Variants in MLIP observed in about 807,000 individuals in gnomAD.
MLIP encodes muscular LMNA interacting protein.
A neutral mutation model predicts 84.8 loss-of-function variants in MLIP; 79 were observed. That is an observed-to-expected ratio of 0.93 (90% confidence interval 0.78 to 1.12). MLIP has a LOEUF of 1.12. MLIP is among the 50% of genes most tolerant of loss of function. The pLI is 0.00. For missense variants in MLIP, 1,257 were observed against 1,160.6 expected (o/e 1.08, Z -1.21); for synonymous variants, 504 against 463.0 (o/e 1.09, Z -1.14).
rs565072641 is a variant in MLIP, at chr6:54,145,354, C to G, written c.2218-3702C>G. On this transcript the variant is annotated intron_variant, in intron 4 of 13. Coordinates refer to ENST00000502396, the MANE Select transcript of MLIP (RefSeq NM_001281747.2). ...ATCGAGTACATATTGTTAAGAGAACCCAGAGGAAAAACAGTGGACTCAAAA... is the reference window on the plus strand; with the variant it reads ...ATCGAGTACATATTGTTAAGAGAACGCAGAGGAAAAACAGTGGACTCAAAA... 1.3e-4 allele frequency among the ~76,000 whole-genome samples: 20 copies of G among 151,914 alleles called. No homozygotes were observed. In the South Asian group the frequency reaches 3.9e-3, roughly 30 times the overall value.
At chr6:54,191,546 G>A (rs1777920339) in intron 10 of MLIP, among the ~76,000 whole-genome samples, 1 of 152,138 alleles carries the variant, frequency 6.6e-6, no homozygotes, top group Non-Finnish European at 1.5e-5. Flanking sequence ...TTCCTGCTCT[G>A]ACATTAACTA....
chr6:54,251,980 A>G (rs1229642848), intron 12 of MLIP, among the ~76,000 whole-genome samples: 2 of 89,492 alleles, frequency 2.2e-5, no homozygotes, highest in Non-Finnish European at 3.7e-5. Context: ...AACATAATAT[A>G]TAATATAAAT....
intron 11 of MLIP, among the ~76,000 whole-genome samples, chr6:54,229,459 G>C (rs192757391): frequency 2.0e-5 from 3 of 152,178 alleles, no homozygotes; most frequent in African/African-American, 7.2e-5. Flanking sequence ...GCATGGGTCA[G>C]CACAACACCT....
chr6:54,029,245 T>C (rs1426009360), intron 1 of MLIP: 1 of 152,154 alleles, frequency 6.6e-6, no homozygotes, highest in Non-Finnish European at 1.5e-5. Flanking sequence ...CATTCAGATG[T>C]TGGAATTTAA....
chr6:54,137,124 C>G lies in MLIP; in HGVS notation c.1055C>G (p.Ser352Cys). 6.5e-7 allele frequency: 1 copy of G among 1,536,120 alleles called. No individual in the cohort carries two copies. The highest frequency in any genetic ancestry group is 1.2e-5 in the South Asian group (1 of 84,058). The change falls in exon 4 of 14, where the codon TCC (serine) becomes TGC (cysteine). Residue 352 changes from serine (S) to cysteine (C), a missense_variant. Transcript: ENST00000502396. ...SPRTSSSPPS[S>C]SASLKSNSAS... ...AGAACCTCTTCTTCTCCACCGTCCT[C>G]CAGTGCTTCTCTGAAGTCGAATTCG...
At chr6:54,116,226 T>C (rs191118820) in intron 1 of MLIP, among the ~76,000 whole-genome samples, 1 of 152,214 alleles carries the variant, frequency 6.6e-6, no homozygotes, top group Admixed American at 6.5e-5. Context: ...CCAGGGCATG[T>C]CATATTTCTT....
intron 11 of MLIP, chr6:54,215,590 C>A: frequency 2.1e-5 from 4 of 190,824 alleles, no homozygotes; most frequent in Non-Finnish European, 4.0e-5. Context: ...TATTAATGTA[C>A]TAGTTACTCT....
At chr6:54,140,784 T>G (rs1452790732) in intron 4 of MLIP, among the ~76,000 whole-genome samples, 5 of 152,216 alleles carry the variant, frequency 3.3e-5, no homozygotes, top group Non-Finnish European at 5.9e-5. Context: ...CAAGCTCTTT[T>G]GATGTTTGGC....
At chr6:54,027,375 ACAC>A (rs1763873172) in intron 1 of MLIP, among the ~76,000 whole-genome samples, 1 of 120 alleles carries the variant, frequency 8.3e-3, no homozygotes, top group African/African-American at 0.016. Flanking sequence ...TAAAAAAAAT[ACAC>A]ACACACACAC....
At chr6:54,252,659 T>C (rs1782722686) in intron 12 of MLIP, among the ~76,000 whole-genome samples, 1 of 151,370 alleles carries the variant, frequency 6.6e-6, no homozygotes. Flanking sequence ...GGGGACTATG[T>C]TTATATGAGA....
At chr6:54,070,907 T>G (rs1453961834) in intron 1 of MLIP, among the ~76,000 whole-genome samples, 1 of 152,174 alleles carries the variant, frequency 6.6e-6, no homozygotes, top group Non-Finnish European at 1.5e-5. Flanking sequence ...TCTACACTGG[T>G]TGATTGATTA....
chr6:54,193,686 C>T (rs916704324), intron 10 of MLIP, among the ~76,000 whole-genome samples: 3 of 152,070 alleles, frequency 2.0e-5, no homozygotes, highest in African/African-American at 4.8e-5. Flanking sequence ...AATGTGAGTA[C>T]TTACCTAAGA....
intron 9 of MLIP, among the ~76,000 whole-genome samples, chr6:54,176,511 C>T (rs1776300959): frequency 6.6e-6 from 1 of 151,648 alleles, no homozygotes; most frequent in Non-Finnish European, 1.5e-5. Flanking sequence ...CTAGATTTTC[C>T]AACATATTGG....
intron 5 of MLIP, among the ~76,000 whole-genome samples, chr6:54,152,389 G>GA (rs1227654854): frequency 2.0e-5 from 3 of 152,246 alleles, no homozygotes; most frequent in African/African-American, 7.2e-5. Context: ...GAGACCGGAA[G>GA]AAAAAGAGGT....
At chr6:54,104,581 C>A (rs1768878538) in intron 1 of MLIP, among the ~76,000 whole-genome samples, 1 of 152,154 alleles carries the variant, frequency 6.6e-6, no homozygotes, top group South Asian at 2.1e-4. Context: ...ACTTAGTAGA[C>A]CGGAAATATA....
At chr6:54,226,801 C>A (rs1780606974) in intron 11 of MLIP, among the ~76,000 whole-genome samples, 3 of 152,094 alleles carry the variant, frequency 2.0e-5, no homozygotes, top group Admixed American at 2.0e-4. Context: ...ATAAAAGGGC[C>A]TCTTGGAAAT....
intron 12 of MLIP, among the ~76,000 whole-genome samples, chr6:54,233,970 T>C (rs1025849500): frequency 1.8e-4 from 28 of 152,212 alleles, no homozygotes; most frequent in African/African-American, 6.8e-4. Context: ...TTTCTTCATA[T>C]GTTTGTTGGC....
chr6:54,231,102 C>G (rs1057071623), intron 12 of MLIP, among the ~76,000 whole-genome samples, 185 bp downstream of exon 12: 1 of 152,024 alleles, frequency 6.6e-6, no homozygotes, highest in African/African-American at 2.4e-5. Flanking sequence ...AATAATTGAA[C>G]TTGGGAAATA....
intron 8 of MLIP, among the ~76,000 whole-genome samples, chr6:54,161,257 G>A (rs945309920): frequency 2.0e-5 from 3 of 151,774 alleles, no homozygotes; most frequent in East Asian, 1.9e-4. Context: ...GAGCTTTAAC[G>A]GAAGTATTAT....
Sources: allele counts gnomAD v4.1 joint callset (sites outside exome capture counted in the v4.1 genomes callset), GRCh38; gene constraint gnomAD v4.1.1; transcripts MANE v1.5; gene names NCBI Gene and HGNC (gene_info 2026-07-23, HGNC 2026-07-21).